PPIL2: variants seen among roughly 807,000 people sequenced by gnomAD.
The protein encoded by PPIL2 is RING-type E3 ubiquitin-protein ligase PPIL2.
Under a neutral mutation model 75.2 loss-of-function variants are expected in PPIL2, and 50 were observed. The ratio of observed to expected loss-of-function variants is 0.66; its 90% CI spans 0.53 to 0.84. The LOEUF is 0.84. Ranked by LOEUF, PPIL2 falls within the 40% of genes least tolerant of loss-of-function variation. PPIL2 has a pLI of 0.00. For synonymous variants in PPIL2, 245 were observed against 258.8 expected, an observed-to-expected ratio of 0.95 and a Z score of 0.51; for missense variants, 590 against 685.0, an observed-to-expected ratio of 0.86 and a Z score of 1.55.
chr22:21,695,207 C>T, intron 19 of PPIL2, 137 bp downstream of exon 19: 2 of 1,374,012 alleles, frequency 1.5e-6, no homozygotes, highest in Middle Eastern at 2.2e-4. Flanking sequence ...GTGGCCTCTG[C>T]AGCCGAGGGA....
chr22:21,681,461 G>C (rs933498520), intron 7 of PPIL2, 71 bp downstream of exon 7: 13 of 1,368,000 alleles, frequency 9.5e-6, no homozygotes, highest in Non-Finnish European at 1.3e-5. Context: ...GTATACACTG[G>C]CTGGGCTGTG....
rs1009725789 is a variant in PPIL2 at position 21,671,012 on chromosome 22, C to G, written c.144C>G (p.Pro48=). The part of the protein sequence containing the change: ...PFDHCSLSLQ[P]FVYPVCTPDG... Reference sequence around the variant, plus strand: ...CCTTTTTCAGTCTCTCTCTGCAGCCCTTTGTCTACCCAGTCTGCACTCCCG... The same window carrying G: ...CCTTTTTCAGTCTCTCTCTGCAGCCGTTTGTCTACCCAGTCTGCACTCCCG... The change falls in exon 4 of 20, where the codon CCC becomes CCG. Residue 48 remains proline, a synonymous_variant. Transcript: ENST00000398831. 2 of 1,613,174 alleles carry G rather than the reference C, an allele frequency of 1.2e-6. No homozygotes were observed. The highest frequency in any genetic ancestry group is 2.7e-5 in the African/African-American group (2 of 75,040).
chr22:21,669,525 G>T, intron 1 of PPIL2: 1 of 352,656 alleles, frequency 2.8e-6, no homozygotes, highest in Non-Finnish European at 5.6e-6. Context: ...TTTTGAGACA[G>T]AGTCTCACTC....
rs189552159 is a variant in PPIL2, at chr22:21,692,120, C to G, written c.1140-1696C>G. The stretch of plus-strand genomic sequence containing the variant: ...CTGAGGGCTTTTTGAAGGCTCACAG[C>G]TGGGGTCTGTCGTGTTCTCCTTCAT... On this transcript the variant is annotated intron_variant, in intron 15 of 19. Transcript: ENST00000398831. 2.1e-3 allele frequency among the ~76,000 whole-genome samples: 314 copies of G among 152,130 alleles called. 1 individual carries two copies. The highest frequency in any genetic ancestry group is 7.4e-3 in the African/African-American group (307 of 41,518).
At position 21,694,595 on chromosome 22, in the gene PPIL2, T is replaced by C. The variant is rs1441204821; in HGVS notation, c.1199T>C (p.Val400Ala). Residue 400 changes from valine to alanine, a missense_variant and splice_region_variant, in exon 17 of 20, where the codon GTT (valine) becomes GCT (alanine). Physicochemically the swap from Val to Ala is moderately conservative, Grantham distance 64. Transcript: ENST00000398831. ...LDKKHTIFGRVVGGFDVLTAM... is the reference protein window; with the variant it reads ...LDKKHTIFGRAVGGFDVLTAM... ...CCACCTCTGTCTCCCTGCTGCAGGGTTGTTGGGGGCTTTGACGTACTGACA... is the reference window on the plus strand; with the variant it reads ...CCACCTCTGTCTCCCTGCTGCAGGGCTGTTGGGGGCTTTGACGTACTGACA... 1.2e-6 allele frequency: 2 copies of C among 1,613,710 alleles called. No homozygotes were observed. The highest frequency in any genetic ancestry group is 8.5e-7 in the Non-Finnish European group (1 of 1,179,948).
At chr22:21,667,152 ATTTTTTTTT>A (rs747410460) in intron 1 of PPIL2, among the ~76,000 whole-genome samples, 1 of 106,554 alleles carries the variant, frequency 9.4e-6, no homozygotes, top group South Asian at 3.1e-4. Flanking sequence ...CTCAGTCCTC[ATTTTTTTTT>A]TTTTTTTTTT....
rs191231503 is a variant in PPIL2, at chr22:21,692,369, T to C, written c.1140-1447T>C. 2.4e-4 allele frequency among the ~76,000 whole-genome samples: 37 copies of C among 151,500 alleles called. 1 individual carries two copies. The East Asian group carries it at 6.4e-3, about 26-fold the overall frequency. On this transcript the variant is annotated intron_variant, in intron 15 of 19. Coordinates refer to ENST00000398831, the MANE Select transcript of PPIL2 (RefSeq NM_014337.4). ...TGGGGTTTCACCGTGTTAGCGAGGA[T>C]GGTCTCGATCTCCTGACCTTGTGAT...
Position 21,670,663 on chromosome 22 carries a change from CTG to C in PPIL2, c.128+53_128+54del. Reference sequence around the variant, plus strand: ...CCTTGTAATTGTTCTCTGATCCTGTCTGATAGTGAATCTGCCCCTTGTGGATG... The same window carrying C: ...CCTTGTAATTGTTCTCTGATCCTGTCATAGTGAATCTGCCCCTTGTGGATG... On this transcript the variant is annotated intron_variant, in intron 3 of 19. Coordinates refer to ENST00000398831, the MANE Select transcript of PPIL2 (RefSeq NM_014337.4). 1.9e-6 allele frequency: 3 copies of C among 1,539,088 alleles called. No homozygotes were observed. The South Asian group carries it at 3.4e-5, about 17-fold the overall frequency.
At chr22:21,680,343 GTGGTGAAACAC>G (rs1377071419) in intron 6 of PPIL2, among the ~76,000 whole-genome samples, 5 of 152,120 alleles carry the variant, frequency 3.3e-5, no homozygotes, top group African/African-American at 1.2e-4. Context: ...TCTGGCCAAG[GTGGTGAAACAC>G]TGTCTCTACT....
At chr22:21,673,606 C>T (rs1214928377) in intron 5 of PPIL2, 2 of 152,386 alleles carry the variant, frequency 1.3e-5, no homozygotes, top group African/African-American at 2.4e-5. Flanking sequence ...GGGCTTACAT[C>T]AGGGAGGTGT....
At chr22:21,680,846 A>C (rs927526852) in intron 6 of PPIL2, among the ~76,000 whole-genome samples, 5 of 148,216 alleles carry the variant, frequency 3.4e-5, no homozygotes, top group Non-Finnish European at 6.0e-5. Flanking sequence ...AAAAAAAAAA[A>C]AAAAAAACAG....
rs2066609475 is a variant in PPIL2, at chr22:21,670,982, A to T, written c.129-15A>T. The T allele has an allele frequency of 6.2e-7, 1 of 1,606,990 alleles. No homozygotes were observed. Among genetic ancestry groups the T allele is most frequent in the African/African-American group, 1.3e-5 (1 of 74,886 alleles). On this transcript the variant is annotated splice_polypyrimidine_tract_variant and intron_variant, in intron 3 of 19. Transcript: ENST00000398831. Reference sequence around the variant, plus strand: ...GGTGCGTGGCAACTCACCAGGAATGACTGTCCTTTTTCAGTCTCTCTCTGC... The same window carrying T: ...GGTGCGTGGCAACTCACCAGGAATGTCTGTCCTTTTTCAGTCTCTCTCTGC...
intron 1 of PPIL2, among the ~76,000 whole-genome samples, chr22:21,667,182 G>A (rs1209145310): frequency 6.8e-4 from 85 of 125,266 alleles, no homozygotes; most frequent in African/African-American, 2.3e-3. Flanking sequence ...TTGAGACGCA[G>A]TTTCGCTCTT....
In PPIL2 at chr22:21,671,046, G is replaced by A. The variant is rs767976496; in HGVS notation, c.178G>A (p.Val60Ile). 16 of 1,611,478 alleles carry A rather than the reference G, an allele frequency of 9.9e-6. No homozygotes were observed. Among genetic ancestry groups the A allele is most frequent in the Middle Eastern group, 3.3e-4 (2 of 6,080 alleles). The change falls in exon 4 of 20, where the codon GTC becomes ATC. Residue 60 changes from valine (V) to isoleucine (I), a missense_variant. Physicochemically the swap from Val to Ile is conservative, Grantham distance 29. Transcript: ENST00000398831. ...VYPVCTPDGI[V>I]FDLLNIVPWL... ...CCCAGTCTGCACTCCCGATGGCATCGTCTTTGACTTACTGTGAGTTTTTCC... is the reference window on the plus strand; with the variant it reads ...CCCAGTCTGCACTCCCGATGGCATCATCTTTGACTTACTGTGAGTTTTTCC...
At chr22:21,670,948 C>T (rs370659593) in intron 3 of PPIL2, 49 bp from the exon 4 acceptor site, 1 of 1,534,514 alleles carries the variant, frequency 6.5e-7, no homozygotes, top group South Asian at 1.1e-5. Flanking sequence ...CAGCCCACAT[C>T]CTGACCAGGG....
At position 21,695,837 on chromosome 22, in the gene PPIL2, T is replaced by C. The variant is rs2067904350; in HGVS notation, c.*347T>C. The C allele has an allele frequency of 8.6e-7, 1 of 1,161,574 alleles. No individual in the cohort carries two copies. Among genetic ancestry groups the C allele is most frequent in the South Asian group, 1.9e-5 (1 of 53,372 alleles). The allele number at this position is 1,161,574 out of a possible 1,614,324, so 72.0% of individuals were successfully genotyped here. A position where few individuals can be genotyped will look rare whatever the true frequency, so the allele number is the denominator to read the frequency against. ...TGTGTCTCCAGATTGTGGTTTCCTC[T>C]TTAAGACAGGGTCTTGCTCTGTTGC... On this transcript the variant is annotated 3_prime_UTR_variant, in exon 20 of 20. Coordinates refer to ENST00000398831, the MANE Select transcript of PPIL2 (RefSeq NM_014337.4).
At position 21,669,937 on chromosome 22, in the gene PPIL2, T is replaced by C. The variant is rs1169023572; in HGVS notation, c.57T>C (p.Thr19=). 5.0e-6 allele frequency: 8 copies of C among 1,614,074 alleles called. No individual in the cohort carries two copies. Among genetic ancestry groups the C allele is most frequent in the Non-Finnish European group, 6.8e-6 (8 of 1,179,914 alleles). ...GGTACATTACCTGTGCTGAATACACTCACTTTTATGGTGGCAAGAAGCCAG... is the reference window on the plus strand; with the variant it reads ...GGTACATTACCTGTGCTGAATACACCCACTTTTATGGTGGCAAGAAGCCAG... The part of the protein sequence containing the change: ...DKMYITCAEY[T]HFYGGKKPDL... Residue 19 remains threonine, a synonymous_variant, in exon 2 of 20, where the codon ACT becomes ACC. Coordinates refer to ENST00000398831, the MANE Select transcript of PPIL2 (RefSeq NM_014337.4).
Position 21,666,029 on chromosome 22 carries a change from GC to G in PPIL2, c.-70del. ...AACCCGGAAGTGGTCACGGAACTCG[GC>G]TGCGGCTCCATGGTCTGAGTTGTCA... On this transcript the variant is annotated 5_prime_UTR_variant, in exon 1 of 20. Coordinates refer to ENST00000398831, the MANE Select transcript of PPIL2 (RefSeq NM_014337.4). 14 of 1,559,074 alleles carry G rather than the reference GC, an allele frequency of 9.0e-6. No individual in the cohort carries two copies. The highest frequency in any genetic ancestry group is 5.5e-5 in the Admixed American group (3 of 54,138).
In PPIL2 at chr22:21,697,359, C is replaced by T. The variant is rs879395734; in HGVS notation, c.*1869C>T. The T allele has an allele frequency of 8.0e-6, 2 of 249,588 alleles. No homozygotes were observed. Among genetic ancestry groups the T allele is most frequent in the Non-Finnish European group, 1.6e-5 (2 of 127,068 alleles). The allele number at this position is 249,588 out of a possible 1,614,324, so 15.5% of individuals were successfully genotyped here. A position where few individuals can be genotyped will look rare whatever the true frequency, so the allele number is the denominator to read the frequency against. ...AGACACCCTGGCTGGCCCTGACTGACTGTATTCTCTGGCCACATTCAAGTC... is the reference window on the plus strand; with the variant it reads ...AGACACCCTGGCTGGCCCTGACTGATTGTATTCTCTGGCCACATTCAAGTC... On this transcript the variant is annotated 3_prime_UTR_variant, in exon 20 of 20. Transcript: ENST00000398831.
Sources: gnomAD v4.1 joint callset for allele counts (sites outside exome capture counted in the v4.1 genomes callset) on GRCh38, gnomAD v4.1.1 for gene constraint, MANE v1.5 for transcripts, NCBI Gene and HGNC (gene_info 2026-07-23, HGNC 2026-07-21) for gene names.